The following APBA2 variants were observed in gnomAD, a reference collection of about 807,000 sequenced individuals.
APBA2 encodes amyloid-beta A4 precursor protein-binding family A member 2.
A neutral mutation model predicts 75.0 loss-of-function variants in APBA2; 30 were observed. The ratio of observed to expected loss-of-function variants is 0.40; its 90% CI spans 0.30 to 0.54. The LOEUF is 0.54. Among genes scored for constraint, APBA2 ranks in the 20% least tolerant of loss-of-function variants. The pLI is 0.49. For synonymous variants in APBA2, 444 were observed against 409.6 expected (o/e 1.08, Z -1.01); for missense variants, 801 against 1,016.1 (o/e 0.79, Z 2.88).
chr15:28,887,546 T>A (rs1344025291), intron 1 of APBA2, among the ~76,000 whole-genome samples: 1 of 152,088 alleles, frequency 6.6e-6, no homozygotes, highest in Admixed American at 6.5e-5. Flanking sequence ...GGACAGGATC[T>A]GGGTTTCCCA....
In APBA2 at chr15:28,968,784, C is replaced by T. The variant is rs547156170; in HGVS notation, c.-94-26969C>T. Among the ~76,000 whole-genome samples, 6 of 152,288 alleles carry T rather than the reference C, an allele frequency of 3.9e-5. No individual in the cohort carries two copies. The East Asian group carries it at 1.2e-3, about 29-fold the overall frequency. ...AGGGCAGGCCCTAATCCAGCATGCC[C>T]AGCGTACTTCCAAGAAGAGGAAATG... On this transcript the variant is annotated intron_variant, in intron 2 of 14. Transcript: ENST00000683413.
chr15:28,963,865 G>C (rs2036599672), intron 2 of APBA2, among the ~76,000 whole-genome samples: 1 of 152,180 alleles, frequency 6.6e-6, no homozygotes, highest in African/African-American at 2.4e-5. Flanking sequence ...ACAGAAACTA[G>C]TCAGACTCCA....
At chr15:28,977,307 C>A (rs2037390511) in intron 2 of APBA2, 1 of 152,090 alleles carries the variant, frequency 6.6e-6, no homozygotes, top group Admixed American at 6.5e-5. Flanking sequence ...CATTCCCATT[C>A]ATGAGGGCCT....
chr15:28,899,051 C>A (rs566752522), intron 1 of APBA2, among the ~76,000 whole-genome samples: 4 of 152,324 alleles, frequency 2.6e-5, no homozygotes, highest in African/African-American at 9.6e-5. Flanking sequence ...AAGTATCAAA[C>A]GTTATGTGGT....
chr15:29,014,231 A>T (rs1272348344), intron 3 of APBA2, among the ~76,000 whole-genome samples: 1 of 152,232 alleles, frequency 6.6e-6, no homozygotes, highest in Non-Finnish European at 1.5e-5. Context: ...CAGATGATCC[A>T]CAAGAACATT....
chr15:28,977,370 T>G (rs1424674330), intron 2 of APBA2: 1 of 152,172 alleles, frequency 6.6e-6, no homozygotes, highest in African/African-American at 2.4e-5. Flanking sequence ...AGGATTAGGC[T>G]TCAACCTCTG....
intron 1 of APBA2, among the ~76,000 whole-genome samples, chr15:28,905,883 A>G (rs1000825490): frequency 1.3e-4 from 20 of 152,132 alleles, no homozygotes; most frequent in African/African-American, 4.8e-4. Context: ...AAAATGTACT[A>G]ATTATAAGGG....
intron 3 of APBA2, among the ~76,000 whole-genome samples, chr15:29,036,981 G>C (rs2040783195): frequency 6.6e-6 from 1 of 151,236 alleles, no homozygotes; most frequent in African/African-American, 2.4e-5. Flanking sequence ...GATCACACCA[G>C]TCCACTCCAG....
In APBA2 at chr15:28,983,902, T is replaced by C. The variant is rs1315961165; in HGVS notation, c.-94-11851T>C. Among the ~76,000 whole-genome samples the C allele has an allele frequency of 2.0e-5, 3 of 152,214 alleles. No individual in the cohort carries two copies. In the East Asian group the frequency reaches 5.8e-4, roughly 29 times the overall value. Reference sequence around the variant, plus strand: ...CAGGCCACTCTGTGGTCCCCACCCCTGGGCTTGAGTCCTGCTGAGGTATAA... The same window carrying C: ...CAGGCCACTCTGTGGTCCCCACCCCCGGGCTTGAGTCCTGCTGAGGTATAA... On this transcript the variant is annotated intron_variant, in intron 2 of 14. Coordinates refer to ENST00000683413, the MANE Select transcript of APBA2 (RefSeq NM_001353788.2).
intron 3 of APBA2, among the ~76,000 whole-genome samples, chr15:29,016,111 G>T (rs1459994113): frequency 1.3e-5 from 2 of 152,150 alleles, no homozygotes; most frequent in African/African-American, 4.8e-5. Context: ...ACAAAAATTA[G>T]CTGGGCATTG....
intron 3 of APBA2, among the ~76,000 whole-genome samples, chr15:29,053,398 G>C (rs974499531): frequency 5.9e-5 from 9 of 152,166 alleles, no homozygotes; most frequent in Non-Finnish European, 7.4e-5. Context: ...TAGTCTTTGA[G>C]GGGTCATGGA....
rs924995506 is a variant in APBA2, at chr15:28,886,055, C to G, written c.-428C>G. Reference sequence around the variant, plus strand: ...GCCGCAGGCCGGTGCGGGATGCGCCCCGCAGCCGCGCCGCGTGCGCCCGGC... The same window carrying G: ...GCCGCAGGCCGGTGCGGGATGCGCCGCGCAGCCGCGCCGCGTGCGCCCGGC... On this transcript the variant is annotated 5_prime_UTR_variant, in exon 1 of 15. Transcript: ENST00000683413. The G allele has an allele frequency of 2.0e-5, 3 of 149,046 alleles. No homozygotes were observed. Among genetic ancestry groups the G allele is most frequent in the Non-Finnish European group, 3.0e-5 (2 of 66,912 alleles). The allele number at this position is 149,046 out of a possible 1,614,324, so 9.2% of individuals were successfully genotyped here. A position where few individuals can be genotyped will look rare whatever the true frequency, so the allele number is the denominator to read the frequency against.
At chr15:29,011,146 G>C (rs2039384922) in intron 3 of APBA2, among the ~76,000 whole-genome samples, 1 of 152,140 alleles carries the variant, frequency 6.6e-6, no homozygotes, top group African/African-American at 2.4e-5. Context: ...AGGTTCATCT[G>C]TGCTGGGTTG....
At position 29,054,049 on chromosome 15, in the gene APBA2, C is replaced by G; in HGVS notation, c.165C>G (p.Ser55Arg). Reference protein sequence around the residue: ...GLELAALRPESPAPEEQECHN... With the variant: ...GLELAALRPERPAPEEQECHN... ...AGCTGGCTGCCCTGCGGCCAGAGAG[C>G]CCCGCGCCAGAGGAACAGGAGTGCC... The change falls in exon 4 of 15, where the codon AGC becomes AGG. Residue 55 changes from serine (S) to arginine (R), a missense_variant. Physicochemically the swap from Ser to Arg is moderately radical, Grantham distance 110. Coordinates refer to ENST00000683413, the MANE Select transcript of APBA2 (RefSeq NM_001353788.2). This position sits in a 1 kb window ranked among gnomAD's most constrained non-coding sequence, Gnocchi z 6.1. 1 of 1,613,826 alleles carries G rather than the reference C, an allele frequency of 6.2e-7. No homozygotes were observed. The highest frequency in any genetic ancestry group is 8.5e-7 in the Non-Finnish European group (1 of 1,180,032).
intron 3 of APBA2, among the ~76,000 whole-genome samples, chr15:29,007,879 A>C (rs8031705): frequency 0.036 from 5,545 of 152,310 alleles, 340 homozygotes; most frequent in African/African-American, 0.13. Flanking sequence ...ACTTCTGGGC[A>C]TATGCCCAAG....
intron 3 of APBA2, among the ~76,000 whole-genome samples, chr15:29,013,709 A>T (rs796154588): frequency 2.0e-5 from 3 of 152,370 alleles, no homozygotes; most frequent in African/African-American, 7.2e-5. Flanking sequence ...AGTATTCATC[A>T]TAAAAGCGCT....
intron 3 of APBA2, among the ~76,000 whole-genome samples, chr15:29,040,949 G>A (rs200600187): frequency 6.6e-6 from 1 of 151,756 alleles, no homozygotes; most frequent in African/African-American, 2.4e-5. Flanking sequence ...TAAAGTGACT[G>A]TTATAACCAT....
chr15:29,111,621 G>T lies in APBA2; in HGVS notation c.2038-2255G>T, dbSNP rs369431565. Among the ~76,000 whole-genome samples the T allele has an allele frequency of 1.6e-4, 25 of 152,258 alleles. No homozygotes were observed. The East Asian group carries it at 4.8e-3, about 29-fold the overall frequency. The stretch of plus-strand genomic sequence containing the variant: ...CGGGCCCTTCAGGCCCCCAGGTGCG[G>T]ACCACACCCTCTGCACCTGCTCCAT... On this transcript the variant is annotated intron_variant, in intron 13 of 14. Coordinates refer to ENST00000683413, the MANE Select transcript of APBA2 (RefSeq NM_001353788.2).
intron 3 of APBA2, chr15:29,044,517 G>A (rs193059562): frequency 0.015 from 2,256 of 152,208 alleles, 35 homozygotes; most frequent in Middle Eastern, 0.051. Flanking sequence ...TAGAAGCAAA[G>A]GACCTGAGTG....
Sources: gnomAD v4.1 joint callset for allele counts (sites outside exome capture counted in the v4.1 genomes callset) on GRCh38, gnomAD v4.1.1 for gene constraint, Gnocchi (gnomAD v3.1) non-coding constraint, MANE v1.5 for transcripts, NCBI Gene and HGNC (gene_info 2026-07-23, HGNC 2026-07-21) for gene names.